STOM: variants seen among roughly 807,000 people sequenced by gnomAD.
STOM encodes erythrocyte band 7 integral membrane protein.
STOM carries 25 observed loss-of-function variants against 30.6 expected under a neutral mutation model. The ratio of observed to expected loss-of-function variants is 0.82; its 90% CI spans 0.60 to 1.14. STOM has a LOEUF of 1.14. STOM is among the 50% of genes most tolerant of loss of function. STOM has a pLI of 0.00. For synonymous variants in STOM, 118 were observed against 130.8 expected, an observed-to-expected ratio of 0.90 and a Z score of 0.67; for missense variants, 292 against 365.2, an observed-to-expected ratio of 0.80 and a Z score of 1.63.
chr9:121,366,277 A>T (rs2064502479), intron 1 of STOM: 4 of 984,716 alleles, frequency 4.1e-6, no homozygotes, highest in Non-Finnish European at 4.8e-6. Flanking sequence ...GAGAAAGATT[A>T]AAAAAGAATG....
chr9:121,369,797 G>C, intron 1 of STOM: 1 of 318,596 alleles, frequency 3.1e-6, no homozygotes, highest in East Asian at 5.1e-5. Context: ...CGCCTCGCTG[G>C]CTGCCAGTTC....
chr9:121,355,231 C>CA (rs762080105), intron 2 of STOM, among the ~76,000 whole-genome samples: 151 of 83,358 alleles, frequency 1.8e-3, no homozygotes, highest in South Asian at 3.2e-3. Flanking sequence ...GACTCCGTCT[C>CA]AAAAAAAAAA....
intron 2 of STOM, among the ~76,000 whole-genome samples, chr9:121,355,066 C>G (rs1027169815): frequency 7.9e-5 from 12 of 151,782 alleles, no homozygotes; most frequent in African/African-American, 2.9e-4. Context: ...CAAGACCAGC[C>G]TGGCCAACAT....
intron 6 of STOM, among the ~76,000 whole-genome samples, chr9:121,346,345 G>A (rs1440038922): frequency 6.6e-6 from 1 of 152,174 alleles, no homozygotes; most frequent in Non-Finnish European, 1.5e-5. Context: ...TACCCAGAGT[G>A]CTATAGAAGG....
At chr9:121,345,745 G>A (rs911058421) in intron 6 of STOM, among the ~76,000 whole-genome samples, 5 of 152,056 alleles carry the variant, frequency 3.3e-5, no homozygotes, top group African/African-American at 1.2e-4. Flanking sequence ...TGTTATAAAG[G>A]GAAGATAGAA....
chr9:121,357,783 C>T (rs906413213), intron 1 of STOM, among the ~76,000 whole-genome samples: 1 of 152,042 alleles, frequency 6.6e-6, no homozygotes, highest in Non-Finnish European at 1.5e-5. Context: ...AATGTGTAAC[C>T]TATTTTTCTT....
Position 121,353,293 on chromosome 9 carries a change from A to C in STOM, c.248T>G (p.Phe83Cys), listed in dbSNP as rs773200599. 15 of 1,607,366 alleles carry C rather than the reference A, an allele frequency of 9.3e-6. No individual in the cohort carries two copies. Among genetic ancestry groups the C allele is most frequent in the Admixed American group, 1.7e-5 (1 of 59,096 alleles). ...GAAGCTGTCAGTGCATGGCAGAATA[A>C]AAAACAAACCTGCAACAAAGATACA... is the stretch of plus-strand genomic sequence containing the variant. ...QGGAKGPGLF[F>C]ILPCTDSFIK... The change falls in exon 4 of 7, where the codon TTT (phenylalanine) becomes TGT (cysteine). Residue 83 changes from phenylalanine to cysteine, a missense_variant. By Grantham distance (205) the Phe-to-Cys change is radical. Coordinates refer to ENST00000286713, the MANE Select transcript of STOM (RefSeq NM_004099.6).
rs568994681 is a variant in STOM at position 121,347,855 on chromosome 9, T to A, written c.660+160A>T. ...CTCAACTGTTAGGAGTGGTGACCTC[T>A]GGGGGAATATGATTTGAAGTTACGG... is the stretch of plus-strand genomic sequence containing the variant. On this transcript the variant is annotated intron_variant, in intron 6 of 6. Transcript: ENST00000286713. 2.7e-4 allele frequency among the ~76,000 whole-genome samples: 41 copies of A among 152,300 alleles called. No homozygotes were observed. In the East Asian group the frequency reaches 7.7e-3, roughly 29 times the overall value.
At chr9:121,362,832 T>G (rs1233550870) in intron 1 of STOM, among the ~76,000 whole-genome samples, 2 of 152,184 alleles carry the variant, frequency 1.3e-5, no homozygotes, top group East Asian at 3.8e-4. Context: ...AAATGAAATT[T>G]GTTGTGTAGT....
intron 1 of STOM, 41 bp downstream of exon 1, chr9:121,370,086 G>A: frequency 4.7e-6 from 7 of 1,504,464 alleles, no homozygotes; most frequent in Non-Finnish European, 6.3e-6. Context: ...TGCGGGCGGG[G>A]GCTCGGTCCA....
Position 121,340,401 on chromosome 9 carries a change from TG to T in STOM, c.*800del. ...GTAAGGATTATTCTGAAACACGGTC[TG>T]GATTTAGAAAATAAATGAACATTAG... On this transcript the variant is annotated 3_prime_UTR_variant, in exon 7 of 7. Transcript: ENST00000286713. 1.0e-6 allele frequency: 1 copy of T among 985,418 alleles called. No homozygotes were observed. Among genetic ancestry groups the T allele is most frequent in the Non-Finnish European group, 1.2e-6 (1 of 829,944 alleles). The allele number at this position is 985,418 out of a possible 1,614,324, so 61.0% of individuals were successfully genotyped here. A position where few individuals can be genotyped will look rare whatever the true frequency, so the allele number is the denominator to read the frequency against.
chr9:121,346,944 T>C (rs748304835), intron 6 of STOM, among the ~76,000 whole-genome samples: 1 of 152,214 alleles, frequency 6.6e-6, no homozygotes, highest in Non-Finnish European at 1.5e-5. Flanking sequence ...GCTCCTTGTG[T>C]CTTGGGAGAT....
At chr9:121,360,459 T>C (rs1429656198) in intron 1 of STOM, among the ~76,000 whole-genome samples, 3 of 152,214 alleles carry the variant, frequency 2.0e-5, no homozygotes, top group African/African-American at 7.2e-5. Flanking sequence ...AGTTGCATGA[T>C]CTTTACCTCT....
chr9:121,348,758 A>G (rs1436957992), intron 5 of STOM, among the ~76,000 whole-genome samples: 2 of 152,240 alleles, frequency 1.3e-5, no homozygotes, highest in African/African-American at 4.8e-5. Context: ...CTGTTACTCA[A>G]GAAAGACTGG....
intron 4 of STOM, 83 bp from the exon 5 acceptor site, chr9:121,349,406 C>A: frequency 8.5e-7 from 1 of 1,179,194 alleles, no homozygotes; most frequent in Non-Finnish European, 1.2e-6. Flanking sequence ...TACAGAATAT[C>A]TTATAACACT....
intron 1 of STOM, among the ~76,000 whole-genome samples, chr9:121,368,430 T>A (rs1159054156): frequency 6.6e-6 from 1 of 152,214 alleles, no homozygotes; most frequent in African/African-American, 2.4e-5. Flanking sequence ...CACCTTTTTA[T>A]CTAGGAAAAG....
chr9:121,367,550 T>C (rs2064516827), intron 1 of STOM, among the ~76,000 whole-genome samples: 1 of 152,230 alleles, frequency 6.6e-6, no homozygotes, highest in Non-Finnish European at 1.5e-5. Context: ...CCCAAAGGGT[T>C]TTATTTGTTG....
Position 121,353,299 on chromosome 9 carries a change from A to T in STOM, c.242T>A (p.Leu81Ter). 1 of 1,604,358 alleles carries T rather than the reference A, an allele frequency of 6.2e-7. No homozygotes were observed. Among genetic ancestry groups the T allele is most frequent in the Non-Finnish European group, 8.5e-7 (1 of 1,174,940 alleles). Residue 81 changes from leucine (L) to a stop codon, truncating the protein, a stop_gained, in exon 4 of 7, where the codon TTG (leucine) becomes TAG (stop). Coordinates refer to ENST00000286713, the MANE Select transcript of STOM (RefSeq NM_004099.6). LOFTEE classifies it high-confidence loss of function. Reference sequence around the variant, plus strand: ...GTCAGTGCATGGCAGAATAAAAAACAAACCTGCAACAAAGATACACACATT... The same window carrying T: ...GTCAGTGCATGGCAGAATAAAAAACTAACCTGCAACAAAGATACACACATT... ...ILQGGAKGPG[L>*]FFILPCTDSF... is the part of the protein sequence containing the mutation.
chr9:121,345,780 T>C (rs978942716), intron 6 of STOM, among the ~76,000 whole-genome samples: 4 of 152,166 alleles, frequency 2.6e-5, no homozygotes, highest in African/African-American at 9.7e-5. Flanking sequence ...CTCTTAAGAA[T>C]GCTATGGAAG....
Sources: gnomAD v4.1 joint callset for allele counts (sites outside exome capture counted in the v4.1 genomes callset) on GRCh38, gnomAD v4.1.1 for gene constraint, MANE v1.5 for transcripts, NCBI Gene and HGNC (gene_info 2026-07-23, HGNC 2026-07-21) for gene names.